TRIM71: variants seen among roughly 807,000 people sequenced by gnomAD.
TRIM71 encodes the protein E3 ubiquitin-protein ligase TRIM71.
In TRIM71, 9 loss-of-function variants were observed where a neutral mutation model predicts 61.2. The observed-to-expected ratio is 0.15, with a 90% CI of 0.09 to 0.26. TRIM71 has a LOEUF of 0.26. Ranked by LOEUF, TRIM71 falls within the 10% of genes least tolerant of loss-of-function variation. The probability of loss-of-function intolerance (pLI) is 1.00; values close to 1 mark genes in which losing one functional copy is unlikely to be tolerated. For missense variants in TRIM71, 998 were observed against 1,238.7 expected (o/e 0.81, Z 2.92); for synonymous variants, 645 against 553.2 (o/e 1.17, Z -2.33).
intron 1 of TRIM71, among the ~76,000 whole-genome samples, chr3:32,833,762 G>T (rs1211338976): frequency 2.0e-5 from 3 of 151,826 alleles, no homozygotes; most frequent in Non-Finnish European, 2.9e-5. Flanking sequence ...TCTGCAATAT[G>T]CCCTGTTTAT....
chr3:32,885,575 G>T (rs182197586), intron 2 of TRIM71, among the ~76,000 whole-genome samples: 40 of 152,342 alleles, frequency 2.6e-4, no homozygotes, highest in Admixed American at 2.3e-3. Flanking sequence ...GTCTGGGGAA[G>T]TTGCTTGTGT....
chr3:32,842,452 T>C (rs2125679425), intron 1 of TRIM71, among the ~76,000 whole-genome samples: 1 of 152,344 alleles, frequency 6.6e-6, no homozygotes, highest in Non-Finnish European at 1.5e-5. Context: ...TTGTCCAGGA[T>C]AGACAGGTTT....
intron 3 of TRIM71, among the ~76,000 whole-genome samples, chr3:32,889,436 C>T (rs1442278977): frequency 6.6e-6 from 1 of 152,076 alleles, no homozygotes; most frequent in Non-Finnish European, 1.5e-5. Flanking sequence ...CAGCACTGTG[C>T]CCAGCTCTAG....
intron 3 of TRIM71, among the ~76,000 whole-genome samples, chr3:32,886,307 C>T (rs1186053913): frequency 6.6e-6 from 1 of 152,172 alleles, no homozygotes; most frequent in Non-Finnish European, 1.5e-5. Context: ...AGACTGGAAG[C>T]GGTCTCCAGT....
chr3:32,893,841 A>C lies in TRIM71; in HGVS notation c.*2030A>C, dbSNP rs1047796737. The C allele has an allele frequency of 2.6e-5, 4 of 151,944 alleles. No homozygotes were observed. In the East Asian group the frequency reaches 5.8e-4, roughly 22 times the overall value. 9.4% of individuals were successfully genotyped at this position (151,944 alleles called of 1,614,324 possible). A position where few individuals can be genotyped will look rare whatever the true frequency, so the allele number is the denominator to read the frequency against. On this transcript the variant is annotated 3_prime_UTR_variant, in exon 4 of 4. Transcript: ENST00000383763. ...CATTGCTTTAATTCTAGGGTTTCTGAGTGACCAAAATGGGAAGGAAAAAAA... is the reference window on the plus strand; with the variant it reads ...CATTGCTTTAATTCTAGGGTTTCTGCGTGACCAAAATGGGAAGGAAAAAAA...
chr3:32,829,895 CT>C (rs1012407821), intron 1 of TRIM71, among the ~76,000 whole-genome samples: 1 of 146,882 alleles, frequency 6.8e-6, no homozygotes, highest in Non-Finnish European at 1.5e-5. Flanking sequence ...CCTTAAAAAT[CT>C]GCTTAATACT....
chr3:32,872,781 C>G (rs1280812248), intron 1 of TRIM71, among the ~76,000 whole-genome samples: 1 of 152,202 alleles, frequency 6.6e-6, no homozygotes, highest in Non-Finnish European at 1.5e-5. Flanking sequence ...CTCCCCAACT[C>G]CTGTCCTCAC....
In TRIM71 at chr3:32,862,520, G is replaced by T. The variant is rs569210912; in HGVS notation, c.853-11298G>T. ...TTAAGAGGCGAGGACTGAGTTACAT[G>T]GCCACCTACAGAGTCTGACCATTTT... On this transcript the variant is annotated intron_variant, in intron 1 of 3. Coordinates refer to ENST00000383763, the MANE Select transcript of TRIM71 (RefSeq NM_001039111.3). Among the ~76,000 whole-genome samples, 172 of 152,264 alleles carry T rather than the reference G, an allele frequency of 1.1e-3. 2 individuals are homozygous for T. Among genetic ancestry groups the T allele is most frequent in the African/African-American group, 3.8e-3 (157 of 41,552 alleles).
chr3:32,841,528 G>GC (rs1559540551), intron 1 of TRIM71, among the ~76,000 whole-genome samples: 2 of 152,024 alleles, frequency 1.3e-5, no homozygotes, highest in African/African-American at 2.4e-5. Context: ...ACAAAAGTTA[G>GC]CTGGGCGTGG....
chr3:32,880,298 G>T (rs989945577), intron 2 of TRIM71, among the ~76,000 whole-genome samples: 2 of 151,974 alleles, frequency 1.3e-5, no homozygotes, highest in African/African-American at 4.8e-5. Flanking sequence ...CAAAATGCTG[G>T]GATTACAGGC....
At position 32,891,940 on chromosome 3, in the gene TRIM71, T is replaced by C. The variant is rs1252955986; in HGVS notation, c.*129T>C. On this transcript the variant is annotated 3_prime_UTR_variant, in exon 4 of 4. Transcript: ENST00000383763. The surrounding 1 kb of genome is among the most constrained non-coding windows in gnomAD (Gnocchi z 8.2). Reference sequence around the variant, plus strand: ...CTCAGGGAAATTTCTTTTTTCTTTTTTTTTTTTAAAGAGAACAAGAAAAGT... The same window carrying C: ...CTCAGGGAAATTTCTTTTTTCTTTTCTTTTTTTAAAGAGAACAAGAAAAGT... 3 of 1,366,666 alleles carry C rather than the reference T, an allele frequency of 2.2e-6. No homozygotes were observed. The highest frequency in any genetic ancestry group is 3.0e-5 in the African/African-American group (2 of 67,692). 84.7% of individuals were successfully genotyped at this position (1,366,666 alleles called of 1,614,324 possible).
chr3:32,864,817 A>G (rs72852821), intron 1 of TRIM71, among the ~76,000 whole-genome samples: 2,646 of 151,718 alleles, frequency 0.017, 75 homozygotes, highest in African/African-American at 0.061. Flanking sequence ...ATTTTGCAAC[A>G]TCATGATTAT....
intron 1 of TRIM71, among the ~76,000 whole-genome samples, chr3:32,833,184 T>TAAAAA (rs1182178339): frequency 0.017 from 909 of 54,408 alleles, 61 homozygotes; most frequent in Middle Eastern, 0.037. Flanking sequence ...ACTCTGTCTT[T>TAAAAA]AAAAAAAAAA....
chr3:32,862,841 C>T lies in TRIM71; in HGVS notation c.853-10977C>T, dbSNP rs1379835962. Among the ~76,000 whole-genome samples, 9 of 152,256 alleles carry T rather than the reference C, an allele frequency of 5.9e-5. No homozygotes were observed. The East Asian group carries it at 1.2e-3, about 20-fold the overall frequency. ...ATGATTTCATATGGCTTTGTATGAC[C>T]GCTGGCCGCCTGTGGTGCTGTAAAT... On this transcript the variant is annotated intron_variant, in intron 1 of 3. Transcript: ENST00000383763.
chr3:32,872,108 CCA>C (rs990882148), intron 1 of TRIM71, among the ~76,000 whole-genome samples: 1 of 152,142 alleles, frequency 6.6e-6, no homozygotes, highest in African/African-American at 2.4e-5. Context: ...GATCGCGTCG[CCA>C]CTGCACTCCA....
chr3:32,849,092 C>T (rs1348512951), intron 1 of TRIM71, among the ~76,000 whole-genome samples: 1 of 152,164 alleles, frequency 6.6e-6, no homozygotes, highest in Admixed American at 6.5e-5. Flanking sequence ...ACTAAGTGGA[C>T]AGGGGACTTA....
At position 32,895,390 on chromosome 3, in the gene TRIM71, A is replaced by G. The variant is rs538927412; in HGVS notation, c.*3579A>G. 6.6e-6 allele frequency: 1 copy of G among 152,350 alleles called. No homozygotes were observed. The highest frequency in any genetic ancestry group is 2.4e-5 in the African/African-American group (1 of 41,588). 9.4% of individuals were successfully genotyped at this position (152,350 alleles called of 1,614,324 possible). On this transcript the variant is annotated 3_prime_UTR_variant, in exon 4 of 4. Coordinates refer to ENST00000383763, the MANE Select transcript of TRIM71 (RefSeq NM_001039111.3). The stretch of plus-strand genomic sequence containing the variant: ...TGATGGAGTTGCAAGAGATAGCTTG[A>G]GATCGGCTCAGTCTGATTTATTCTA...
In TRIM71 at chr3:32,818,290, C is replaced by A; in HGVS notation, c.210C>A (p.Leu70=). ...PCLHAFCRPC[L]EAHRLPAAGG... ...TGCACGCCTTCTGCCGCCCCTGCCT[C>A]GAGGCGCACCGGCTGCCGGCGGCGG... The change falls in exon 1 of 4, where the codon CTC becomes CTA. Residue 70 remains leucine (L), a synonymous_variant. Coordinates refer to ENST00000383763, the MANE Select transcript of TRIM71 (RefSeq NM_001039111.3). 1.4e-6 allele frequency: 2 copies of A among 1,430,766 alleles called. No homozygotes were observed. Among genetic ancestry groups the A allele is most frequent in the Non-Finnish European group, 1.8e-6 (2 of 1,099,714 alleles). The allele number at this position is 1,430,766 out of a possible 1,614,324, so 88.6% of individuals were successfully genotyped here.
intron 1 of TRIM71, among the ~76,000 whole-genome samples, chr3:32,837,403 G>A (rs1433067361): frequency 6.6e-6 from 1 of 152,140 alleles, no homozygotes; most frequent in Non-Finnish European, 1.5e-5. Context: ...TCTGGTCATG[G>A]GTCTCAAAAG....
Sources: allele counts gnomAD v4.1 joint callset (sites outside exome capture counted in the v4.1 genomes callset), GRCh38; gene constraint gnomAD v4.1.1; non-coding constraint Gnocchi (gnomAD v3.1); transcripts MANE v1.5; gene names NCBI Gene and HGNC (gene_info 2026-07-23, HGNC 2026-07-21).